The following ACACA variants were observed in gnomAD, a reference collection of about 807,000 sequenced individuals.
ACACA encodes acetyl-CoA carboxylase alpha, also known as acetyl-CoA carboxylase 1.
In ACACA, 103 loss-of-function variants were observed where a neutral mutation model predicts 296.1. The ratio of observed to expected loss-of-function variants is 0.35; its 90% confidence interval spans 0.30 to 0.41. The LOEUF is 0.41. ACACA is among the 10% of genes least tolerant of loss of function. ACACA has a pLI of 1.00. For missense variants in ACACA, 1,554 were observed against 2,989.7 expected, an observed-to-expected ratio of 0.52 and a Z score of 11.20; for synonymous variants, 953 against 1,038.6, an observed-to-expected ratio of 0.92 and a Z score of 1.58.
intron 52 of ACACA, among the ~76,000 whole-genome samples, 184 bp from the exon 53 acceptor site, chr17:37,098,168 T>G (rs1232630017): frequency 6.6e-6 from 1 of 152,194 alleles, no homozygotes; most frequent in East Asian, 1.9e-4. Flanking sequence ...ACACCAGTCT[T>G]TACCTTGCCA....
chr17:37,088,869 G>T (rs1270595572), intron 55 of ACACA, 69 bp downstream of exon 55: 7 of 1,569,918 alleles, frequency 4.5e-6, no homozygotes, highest in African/African-American at 1.4e-5. Flanking sequence ...CTCATGATTT[G>T]TTTGGAAACT....
chr17:37,258,052 A>C (rs961212025), intron 13 of ACACA, among the ~76,000 whole-genome samples, 160 bp downstream of exon 13: 3 of 152,236 alleles, frequency 2.0e-5, no homozygotes, highest in Non-Finnish European at 4.4e-5. Context: ...GGGATTAAGT[A>C]ACCAATGAAG....
chr17:37,144,670 C>G (rs2075737921), intron 45 of ACACA, among the ~76,000 whole-genome samples: 1 of 152,156 alleles, frequency 6.6e-6, no homozygotes, highest in Admixed American at 6.5e-5. Context: ...CTTACTTGCA[C>G]CAAGTCTCAA....
chr17:37,134,206 C>T (rs1198700186), intron 45 of ACACA, among the ~76,000 whole-genome samples: 2 of 152,222 alleles, frequency 1.3e-5, no homozygotes, highest in African/African-American at 4.8e-5. Context: ...TCTAGAGACA[C>T]TGCAGACAGC....
At chr17:37,282,542 C>T (rs2082587346) in intron 5 of ACACA, among the ~76,000 whole-genome samples, 1 of 152,016 alleles carries the variant, frequency 6.6e-6, no homozygotes, top group Non-Finnish European at 1.5e-5. Flanking sequence ...AATCATAATA[C>T]CATTGTCTCA....
intron 1 of ACACA, among the ~76,000 whole-genome samples, chr17:37,347,938 A>G (rs1283730522): frequency 6.6e-6 from 1 of 152,012 alleles, no homozygotes; most frequent in Non-Finnish European, 1.5e-5. Context: ...TTGGGAGGGC[A>G]AGGTGGGAGG....
chr17:37,117,372 AT>A (rs556927888), intron 50 of ACACA, among the ~76,000 whole-genome samples: 118 of 152,210 alleles, frequency 7.8e-4, no homozygotes, highest in Admixed American at 3.0e-3. Context: ...TTTTCAATAA[AT>A]TTTTTTTATT....
chr17:37,406,172 T>TG, intron 1 of ACACA, 90 bp downstream of exon 1: 1 of 1,436,422 alleles, frequency 7.0e-7, no homozygotes, highest in South Asian at 1.1e-5. Context: ...TAACCTGCTT[T>TG]GTGCAATGTC....
intron 42 of ACACA, among the ~76,000 whole-genome samples, chr17:37,156,358 C>T (rs887344055): frequency 4.6e-5 from 7 of 152,134 alleles, no homozygotes; most frequent in Admixed American, 2.0e-4. Flanking sequence ...CCACTGCTCC[C>T]GGCCTCATTT....
intron 3 of ACACA, among the ~76,000 whole-genome samples, chr17:37,313,183 C>CTAA (rs1323251640): frequency 1.3e-5 from 2 of 152,012 alleles, no homozygotes; most frequent in East Asian, 3.9e-4. Context: ...GGAAGAATAG[C>CTAA]TAATGGATAC....
intron 30 of ACACA, 125 bp from the exon 31 acceptor site, chr17:37,207,925 G>GT (rs1327872067): frequency 1.2e-5 from 14 of 1,124,602 alleles, no homozygotes; most frequent in Middle Eastern, 2.5e-4. Context: ...AGCAGATTTG[G>GT]TTTTTTTACC....
At position 37,173,994 on chromosome 17, in the gene ACACA, ATATATATATATATATATATATATATATT is replaced by A. The variant is rs1567761197; in HGVS notation, c.5079+5238_5079+5265del. ...ACGCCTGGCTAATTTATATATATAT[ATATATATATATATATATATATATATATT>A]TTTTTTTTTTTTTTTTTTTGTAGCG... On this transcript the variant is annotated intron_variant, in intron 41 of 55. Transcript: ENST00000616317. Among the ~76,000 whole-genome samples, 3 of 8,380 alleles carry A rather than the reference ATATATATATATATATATATATATATATT, an allele frequency of 3.6e-4. 1 individual carries two copies. Among genetic ancestry groups the A allele is most frequent in the East Asian group, 1.7e-3 (1 of 584 alleles). 5.5% of individuals were successfully genotyped at this position (8,380 alleles called of 152,430 possible).
intron 1 of ACACA, among the ~76,000 whole-genome samples, chr17:37,404,724 G>A (rs999685887): frequency 6.6e-6 from 1 of 151,818 alleles, no homozygotes; most frequent in Non-Finnish European, 1.5e-5. Context: ...ACAGGCGCCC[G>A]TCACAATGCC....
intron 45 of ACACA, among the ~76,000 whole-genome samples, chr17:37,134,355 G>A (rs993529150): frequency 4.6e-5 from 7 of 152,190 alleles, no homozygotes; most frequent in African/African-American, 1.4e-4. Flanking sequence ...AAGTGGCAGA[G>A]CATTGTGATG....
chr17:37,349,532 C>T (rs531952952), intron 1 of ACACA, among the ~76,000 whole-genome samples: 84 of 143,698 alleles, frequency 5.8e-4, no homozygotes, highest in Non-Finnish European at 9.1e-4. Flanking sequence ...TGTGTGTGTG[C>T]GCGCGTGTGT....
intron 44 of ACACA, 65 bp downstream of exon 44, chr17:37,151,236 G>A: frequency 1.3e-6 from 2 of 1,598,218 alleles, no homozygotes; most frequent in Non-Finnish European, 1.7e-6. Flanking sequence ...GCAGTGATAA[G>A]AGAAAAAAAT....
Position 37,192,272 on chromosome 17 carries a change from G to T in ACACA, c.4234C>A (p.Pro1412Thr), listed in dbSNP as rs367782238. 2 of 1,613,978 alleles carry T rather than the reference G, an allele frequency of 1.2e-6. No homozygotes were observed. The highest frequency in any genetic ancestry group is 1.7e-6 in the Non-Finnish European group (2 of 1,179,996). ...EEDRIYRHLEPALAFQLELNR... is the reference protein window; with the variant it reads ...EEDRIYRHLETALAFQLELNR... Reference sequence around the variant, plus strand: ...AGCTCTAACTGGAAAGCCAGAGCAGGCTCCAGATGACGATAGATACGATCC... The same window carrying T: ...AGCTCTAACTGGAAAGCCAGAGCAGTCTCCAGATGACGATAGATACGATCC... The change falls in exon 37 of 56, where the codon CCT becomes ACT. Residue 1412 changes from proline to threonine, a missense_variant. By Grantham distance (38) the Pro-to-Thr change is conservative. Around this residue, in one of 16 missense-constraint regions of ACACA, gnomAD observed 179 missense variants for 283.2 expected, o/e 0.63. Coordinates refer to ENST00000616317, the MANE Select transcript of ACACA (RefSeq NM_198834.3).
chr17:37,218,477 G>A (rs1246277517), intron 29 of ACACA, among the ~76,000 whole-genome samples: 2 of 152,150 alleles, frequency 1.3e-5, no homozygotes, highest in African/African-American at 4.8e-5. Flanking sequence ...TAAATAGCAT[G>A]TAGCTTGTAT....
intron 52 of ACACA, among the ~76,000 whole-genome samples, chr17:37,107,187 G>A (rs1224562564): frequency 6.6e-6 from 1 of 152,170 alleles, no homozygotes; most frequent in Non-Finnish European, 1.5e-5. Flanking sequence ...ACTCACTAAG[G>A]CATGCGTATC....
Sources: allele counts gnomAD v4.1 joint callset (sites outside exome capture counted in the v4.1 genomes callset), GRCh38; gene constraint gnomAD v4.1.1; regional missense constraint gnomAD v4.1.1; transcripts MANE v1.5; gene names NCBI Gene and HGNC (gene_info 2026-07-23, HGNC 2026-07-21).